The following KIF16B variants were observed in gnomAD, a reference collection of about 807,000 sequenced individuals.
KIF16B encodes the protein kinesin family member 16B.
A neutral mutation model predicts 156.3 loss-of-function variants in KIF16B; 98 were observed. The ratio of observed to expected loss-of-function variants is 0.63; its 90% CI spans 0.53 to 0.74. The LOEUF (loss-of-function observed/expected upper bound fraction) is 0.74, where lower values mean the gene tolerates loss of function less well. Ranked by LOEUF, KIF16B falls within the 30% of genes least tolerant of loss-of-function variation. The pLI is 0.00. For missense variants in KIF16B, 1,421 were observed against 1,606.5 expected (o/e 0.88, Z 1.97); for synonymous variants, 564 against 583.7 (o/e 0.97, Z 0.49).
At chr20:16,555,182 A>T (rs763814233) in intron 1 of KIF16B, among the ~76,000 whole-genome samples, 2 of 151,762 alleles carry the variant, frequency 1.3e-5, no homozygotes, top group African/African-American at 4.8e-5. Flanking sequence ...GGTACAAGAC[A>T]AAATTGTAAT....
chr20:16,325,182 C>G (rs778489079), intron 24 of KIF16B, among the ~76,000 whole-genome samples: 68 of 152,010 alleles, frequency 4.5e-4, no homozygotes, highest in Non-Finnish European at 8.0e-4. Context: ...ATGACAAACC[C>G]ACATCCAACA....
intron 12 of KIF16B, among the ~76,000 whole-genome samples, chr20:16,490,099 G>A (rs2068243172): frequency 6.6e-6 from 1 of 152,268 alleles, no homozygotes. Flanking sequence ...TTATAGGCTG[G>A]ATTACGACAC....
chr20:16,530,691 GT>G (rs1305676059), intron 1 of KIF16B, among the ~76,000 whole-genome samples: 2 of 152,000 alleles, frequency 1.3e-5, no homozygotes, highest in Non-Finnish European at 2.9e-5. Flanking sequence ...TACATGCTGT[GT>G]TTTGTTGTTG....
intron 17 of KIF16B, among the ~76,000 whole-genome samples, chr20:16,398,098 C>T (rs117006162): frequency 2.4e-3 from 362 of 152,286 alleles, no homozygotes; most frequent in Admixed American, 3.2e-3. Context: ...AGAGGATACA[C>T]GGGAAGCACT....
intron 12 of KIF16B, among the ~76,000 whole-genome samples, chr20:16,456,352 C>T (rs560249123): frequency 5.3e-5 from 8 of 152,212 alleles, no homozygotes; most frequent in Admixed American, 1.3e-4. Flanking sequence ...CAATAGATTG[C>T]TTTTTTCTTT....
intron 17 of KIF16B, among the ~76,000 whole-genome samples, chr20:16,391,986 C>T (rs1260526370): frequency 6.6e-6 from 1 of 152,174 alleles, no homozygotes; most frequent in African/African-American, 2.4e-5. Context: ...TTACAGACCA[C>T]CTGAGTGAGG....
chr20:16,443,769 T>C (rs971171295), intron 12 of KIF16B, among the ~76,000 whole-genome samples: 2 of 152,236 alleles, frequency 1.3e-5, no homozygotes, highest in African/African-American at 4.8e-5. Context: ...GAATGTTGAC[T>C]GCATATGGCC....
chr20:16,519,920 C>T (rs1390794508), intron 3 of KIF16B, among the ~76,000 whole-genome samples: 1 of 152,174 alleles, frequency 6.6e-6, no homozygotes, highest in Non-Finnish European at 1.5e-5. Flanking sequence ...TGCAAGGGGT[C>T]AGGGAACTCC....
At chr20:16,417,338 G>A in intron 15 of KIF16B, among the ~76,000 whole-genome samples, 1 of 152,104 alleles carries the variant, frequency 6.6e-6, no homozygotes, top group Admixed American at 6.6e-5. Context: ...GCTACTGGAG[G>A]AGCACTGCAA....
chr20:16,452,560 G>A (rs914940791), intron 12 of KIF16B, among the ~76,000 whole-genome samples: 3 of 152,146 alleles, frequency 2.0e-5, no homozygotes, highest in Non-Finnish European at 2.9e-5. Context: ...AGGAGGCCGG[G>A]AGCAGTGGCT....
intron 12 of KIF16B, among the ~76,000 whole-genome samples, chr20:16,460,607 G>A (rs746465256): frequency 1.3e-5 from 2 of 151,988 alleles, no homozygotes; most frequent in Admixed American, 6.6e-5. Flanking sequence ...CAATAAAGCT[G>A]TCATTTGAAA....
intron 17 of KIF16B, among the ~76,000 whole-genome samples, chr20:16,393,908 A>G (rs1370676164): frequency 1.3e-5 from 2 of 152,256 alleles, no homozygotes; most frequent in Non-Finnish European, 2.9e-5. Context: ...AGAATAGCAT[A>G]TGCAAAGATC....
At chr20:16,409,974 T>TAC (rs1407975264) in intron 15 of KIF16B, among the ~76,000 whole-genome samples, 1 of 78,854 alleles carries the variant, frequency 1.3e-5, no homozygotes, top group Non-Finnish European at 2.5e-5. Flanking sequence ...TATATACATA[T>TAC]ATATATATAT....
In KIF16B at chr20:16,492,820, C is replaced by CT. The variant is rs1005217126; in HGVS notation, c.1302+1470dup. Among the ~76,000 whole-genome samples, 10 of 151,474 alleles carry CT rather than the reference C, an allele frequency of 6.6e-5. No homozygotes were observed. The East Asian group carries it at 7.8e-4, about 12-fold the overall frequency. On this transcript the variant is annotated intron_variant, in intron 12 of 25. Transcript: ENST00000354981. ...TTTCAAATAGCTAACGGTTTGATTTCTTTTTTTTTCCTTAAGTAAAGTAGA... is the reference window on the plus strand; with the variant it reads ...TTTCAAATAGCTAACGGTTTGATTTCTTTTTTTTTTCCTTAAGTAAAGTAGA...
chr20:16,360,547 A>G (rs896544182), intron 22 of KIF16B, among the ~76,000 whole-genome samples: 1 of 152,308 alleles, frequency 6.6e-6, no homozygotes, highest in South Asian at 2.1e-4. Context: ...GAAATAGTAT[A>G]AGCAATTTTA....
At chr20:16,549,013 T>G (rs1167657833) in intron 1 of KIF16B, among the ~76,000 whole-genome samples, 6 of 66,910 alleles carry the variant, frequency 9.0e-5, no homozygotes, top group South Asian at 1.2e-3. Context: ...CATTTTCGGT[T>G]TTTTTTTTTT....
Position 16,379,900 on chromosome 20 carries a change from G to T in KIF16B, c.2102C>A (p.Thr701Asn). Residue 701 changes from threonine to asparagine, a missense_variant, in exon 19 of 26, where the codon ACC (threonine) becomes AAC (asparagine). Thr to Asn is a moderately conservative substitution (Grantham distance 65). Coordinates refer to ENST00000354981, the MANE Select transcript of KIF16B (RefSeq NM_024704.5). ...GAGTTCTTCTTGGACGCGGAGAAAG[G>T]TCTCTTCTTCTTGTCTCTTCTTCTG... is the stretch of plus-strand genomic sequence containing the variant. Reference protein sequence around the residue: ...ELQKKRQEEETFLRVQEELQR... With the variant: ...ELQKKRQEEENFLRVQEELQR... 6.2e-7 allele frequency: 1 copy of T among 1,614,144 alleles called. No homozygotes were observed. The highest frequency in any genetic ancestry group is 2.2e-5 in the East Asian group (1 of 44,874).
Position 16,273,358 on chromosome 20 carries a change from G to C in KIF16B, c.3849C>G (p.Leu1283=), listed in dbSNP as rs1180331680. The part of the protein sequence containing the change: ...SVMLQSATSP[L]HINKVGLTLS... ...GAGTCAGTCCCACTTTGTTGATGTGGAGGGGAGATGTTGCGGACTGGAGCA... is the reference window on the plus strand; with the variant it reads ...GAGTCAGTCCCACTTTGTTGATGTGCAGGGGAGATGTTGCGGACTGGAGCA... The change falls in exon 26 of 26, where the codon CTC becomes CTG. Residue 1283 remains leucine (L), a synonymous_variant. Coordinates refer to ENST00000354981, the MANE Select transcript of KIF16B (RefSeq NM_024704.5). 3.1e-6 allele frequency: 5 copies of C among 1,613,770 alleles called. No individual in the cohort carries two copies. The highest frequency in any genetic ancestry group is 1.3e-5 in the African/African-American group (1 of 74,918).
chr20:16,561,186 C>G (rs1486926758), intron 1 of KIF16B, among the ~76,000 whole-genome samples: 4 of 151,956 alleles, frequency 2.6e-5, no homozygotes, highest in Non-Finnish European at 5.9e-5. Flanking sequence ...GCCAGCTACT[C>G]AAGAGGCTGA....
Sources: allele counts gnomAD v4.1 joint callset (sites outside exome capture counted in the v4.1 genomes callset), GRCh38; gene constraint gnomAD v4.1.1; transcripts MANE v1.5; gene names NCBI Gene and HGNC (gene_info 2026-07-23, HGNC 2026-07-21).